The following TANC2 variants were observed in gnomAD, a reference collection of about 807,000 sequenced individuals.
TANC2 encodes protein TANC2.
Under a neutral mutation model 210.5 loss-of-function variants are expected in TANC2, and 26 were observed. The observed-to-expected ratio is 0.12, with a 90% confidence interval of 0.09 to 0.17. The LOEUF (loss-of-function observed/expected upper bound fraction) is 0.17. TANC2 is among the 10% of genes least tolerant of loss of function. TANC2 has a pLI of 1.00. For missense variants in TANC2, 2,129 were observed against 2,608.9 expected, an observed-to-expected ratio of 0.82 and a Z score of 4.01; for synonymous variants, 931 against 967.1, an observed-to-expected ratio of 0.96 and a Z score of 0.69.
intron 5 of TANC2, among the ~76,000 whole-genome samples, chr17:63,166,826 G>A (rs934992221): frequency 5.3e-5 from 8 of 152,134 alleles, no homozygotes; most frequent in African/African-American, 1.4e-4. Flanking sequence ...GAAAATGTTC[G>A]AGTTGTAAGG....
chr17:63,242,022 C>T (rs958703872), intron 8 of TANC2, among the ~76,000 whole-genome samples: 1 of 152,180 alleles, frequency 6.6e-6, no homozygotes, highest in African/African-American at 2.4e-5. Flanking sequence ...CTGCTTGAGT[C>T]TAGAGCCCTC....
At chr17:62,988,158 TG>T (rs1345862476) in intron 1 of TANC2, among the ~76,000 whole-genome samples, 3 of 152,092 alleles carry the variant, frequency 2.0e-5, no homozygotes, top group Non-Finnish European at 4.4e-5. Flanking sequence ...GACATAGTCT[TG>T]CTCTGTCACC....
chr17:63,345,038 A>G (rs1288573995), intron 12 of TANC2, among the ~76,000 whole-genome samples: 3 of 152,306 alleles, frequency 2.0e-5, no homozygotes, highest in East Asian at 3.9e-4. Flanking sequence ...CACCAAACAT[A>G]TGCTTGAATA....
At position 63,330,804 on chromosome 17, in the gene TANC2, G is replaced by C. The variant is rs143690576; in HGVS notation, c.1576-9297G>C. Among the ~76,000 whole-genome samples, 13 of 152,296 alleles carry C rather than the reference G, an allele frequency of 8.5e-5. No homozygotes were observed. In the East Asian group the frequency reaches 2.5e-3, roughly 29 times the overall value. On this transcript the variant is annotated intron_variant, in intron 11 of 27. Coordinates refer to ENST00000689528, the Ensembl canonical transcript of TANC2. Reference sequence around the variant, plus strand: ...AATATCTAAAATGTAGGCGGAGCGCGGTGGCTCCTGCCTGTAATCCTAGCA... The same window carrying C: ...AATATCTAAAATGTAGGCGGAGCGCCGTGGCTCCTGCCTGTAATCCTAGCA...
At chr17:63,387,622 A>G (rs1025933414) in intron 15 of TANC2, among the ~76,000 whole-genome samples, 1 of 152,214 alleles carries the variant, frequency 6.6e-6, no homozygotes. Context: ...CCCAAATTTC[A>G]TTGTTAATAT....
At chr17:63,021,214 G>A (rs902666724) in intron 2 of TANC2, among the ~76,000 whole-genome samples, 1 of 152,188 alleles carries the variant, frequency 6.6e-6, no homozygotes, top group African/African-American at 2.4e-5. Context: ...ATGTGCAATA[G>A]TATGTAATGC....
chr17:63,124,766 C>T (rs1368132739), intron 4 of TANC2, among the ~76,000 whole-genome samples: 3 of 152,142 alleles, frequency 2.0e-5, no homozygotes, highest in African/African-American at 7.2e-5. Flanking sequence ...GCTTGAGCTC[C>T]GCCTCCTGTC....
intron 9 of TANC2, among the ~76,000 whole-genome samples, chr17:63,296,964 CAGG>C (rs1326986841): frequency 2.0e-5 from 3 of 151,930 alleles, no homozygotes; most frequent in Non-Finnish European, 4.4e-5. Context: ...TTGAGAGTCT[CAGG>C]AGAAGAGAAA....
intron 9 of TANC2, among the ~76,000 whole-genome samples, chr17:63,296,335 A>G (rs1316459807): frequency 6.6e-6 from 1 of 152,182 alleles, no homozygotes; most frequent in Non-Finnish European, 1.5e-5. Context: ...GACTTCAGTG[A>G]CTACACACAA....
intron 5 of TANC2, among the ~76,000 whole-genome samples, chr17:63,191,818 T>C (rs1436494959): frequency 1.3e-5 from 2 of 152,132 alleles, no homozygotes; most frequent in African/African-American, 2.4e-5. Context: ...AAATAGGAAA[T>C]GAAAGTGGAA....
At chr17:63,326,455 G>T (rs2045650127) in intron 11 of TANC2, among the ~76,000 whole-genome samples, 1 of 152,120 alleles carries the variant, frequency 6.6e-6, no homozygotes, top group Non-Finnish European at 1.5e-5. Flanking sequence ...CCTTGGTGAA[G>T]AGAAAGGCTT....
intron 3 of TANC2, among the ~76,000 whole-genome samples, chr17:63,096,314 GA>G (rs1567718883): frequency 6.6e-6 from 1 of 151,202 alleles, no homozygotes; most frequent in Non-Finnish European, 1.5e-5. Context: ...TGAATGAGAA[GA>G]AAAAAAGTTA....
At chr17:63,126,419 T>C (rs373613836) in intron 4 of TANC2, among the ~76,000 whole-genome samples, 2 of 152,106 alleles carry the variant, frequency 1.3e-5, no homozygotes, top group South Asian at 2.1e-4. Flanking sequence ...GTTGCTGCTG[T>C]TGTTTTTTGA....
At chr17:63,174,717 C>T (rs1388171357) in intron 5 of TANC2, among the ~76,000 whole-genome samples, 1 of 152,012 alleles carries the variant, frequency 6.6e-6, no homozygotes, top group Non-Finnish European at 1.5e-5. Context: ...AACACAAATA[C>T]CTGTAATATA....
intron 15 of TANC2, among the ~76,000 whole-genome samples, chr17:63,384,834 AATT>A (rs1304762431): frequency 9.9e-5 from 15 of 152,208 alleles, no homozygotes; most frequent in African/African-American, 3.6e-4. Context: ...AATGGTTTGG[AATT>A]AAAGGTAAAG....
intron 2 of TANC2, among the ~76,000 whole-genome samples, chr17:63,028,510 G>C (rs1260476185): frequency 1.3e-5 from 2 of 152,146 alleles, no homozygotes; most frequent in African/African-American, 4.8e-5. Context: ...TAATCATGGA[G>C]AAATGGCTAG....
In TANC2 at chr17:63,389,262, G is replaced by A. The variant is rs373717810; in HGVS notation, c.2815-46G>A. 6.3e-6 allele frequency: 9 copies of A among 1,438,610 alleles called. No individual in the cohort carries two copies. The African/African-American group carries it at 1.3e-4, about 20-fold the overall frequency. 89.1% of individuals were successfully genotyped at this position (1,438,610 alleles called of 1,614,324 possible). A position where few individuals can be genotyped will look rare whatever the true frequency, so the allele number is the denominator to read the frequency against. On this transcript the variant is annotated intron_variant, in intron 16 of 27. Transcript: ENST00000689528. The stretch of plus-strand genomic sequence containing the variant: ...TTTAATAAAAGATGACTAAAAGGAT[G>A]TGACTCCTGTTTGTCTAATTATTAG...
chr17:63,404,090 C>G (rs2048424434), intron 19 of TANC2, among the ~76,000 whole-genome samples: 1 of 152,164 alleles, frequency 6.6e-6, no homozygotes, highest in Non-Finnish European at 1.5e-5. Flanking sequence ...CTGCTGACTA[C>G]TACATCAATT....
intron 11 of TANC2, among the ~76,000 whole-genome samples, chr17:63,330,750 G>A (rs1331408232): frequency 6.6e-6 from 1 of 152,124 alleles, no homozygotes; most frequent in East Asian, 1.9e-4. Flanking sequence ...TCTCTGAATG[G>A]ACTTCCACTG....
Sources: allele counts gnomAD v4.1 joint callset (sites outside exome capture counted in the v4.1 genomes callset), GRCh38; gene constraint gnomAD v4.1.1; transcripts MANE v1.5; gene names NCBI Gene and HGNC (gene_info 2026-07-23, HGNC 2026-07-21).